Variants in PTCD2 observed in about 807,000 individuals in gnomAD.
PTCD2 encodes the protein pentatricopeptide repeat domain 2.
Under a neutral mutation model 42.6 loss-of-function variants are expected in PTCD2, and 31 were observed. That is an observed-to-expected ratio of 0.73 (90% CI 0.55 to 0.98). The LOEUF (loss-of-function observed/expected upper bound fraction) is 0.98. Among genes scored for constraint, PTCD2 ranks in the 50% least tolerant of loss-of-function variants. The pLI, the probability that PTCD2 is intolerant of heterozygous loss-of-function variation, is 0.00. For synonymous variants in PTCD2, 183 were observed against 170.9 expected, an observed-to-expected ratio of 1.07 and a Z score of -0.55; for missense variants, 476 against 454.8, an observed-to-expected ratio of 1.05 and a Z score of -0.42.
intron 4 of PTCD2, among the ~76,000 whole-genome samples, chr5:72,334,749 C>T (rs1444822812): frequency 6.6e-6 from 1 of 152,084 alleles, no homozygotes; most frequent in African/African-American, 2.4e-5. Context: ...CGGGGTTTCA[C>T]CATGTTGGCC....
intron 6 of PTCD2, among the ~76,000 whole-genome samples, chr5:72,337,423 C>T (rs1211289116): frequency 6.6e-6 from 1 of 151,888 alleles, no homozygotes; most frequent in Non-Finnish European, 1.5e-5. Context: ...ATCACTTATT[C>T]AGCATTGAAA....
In PTCD2 at chr5:72,366,386, G is replaced by C. The variant is rs1753206348; in HGVS notation, c.*7959G>C. ...TTGCCTGTGGATATAACACTAGAGA[G>C]CGGGAGAGCACAGTATTTGAACCCA... On this transcript the variant is annotated 3_prime_UTR_variant, in exon 10 of 10. Transcript: ENST00000380639. 1 of 152,162 alleles carries C rather than the reference G, an allele frequency of 6.6e-6. No homozygotes were observed. 9.4% of individuals were successfully genotyped at this position (152,162 alleles called of 1,614,324 possible).
intron 9 of PTCD2, among the ~76,000 whole-genome samples, chr5:72,354,469 G>A (rs1752779524): frequency 6.8e-6 from 1 of 147,302 alleles, no homozygotes; most frequent in East Asian, 2.1e-4. Flanking sequence ...GGTAAGAGAT[G>A]TGGACAGAAT....
At chr5:72,340,111 A>G (rs1003750704) in intron 7 of PTCD2, among the ~76,000 whole-genome samples, 1 of 152,130 alleles carries the variant, frequency 6.6e-6, no homozygotes, top group South Asian at 2.1e-4. Flanking sequence ...TTCTGTTTCT[A>G]TAACTTTTTC....
intron 7 of PTCD2, 112 bp downstream of exon 7, chr5:72,338,847 C>A: frequency 1.8e-6 from 1 of 556,940 alleles, no homozygotes; most frequent in Admixed American, 3.4e-5. Flanking sequence ...GAAGTAGTCA[C>A]CATAAAGAGA....
rs1363017154 is a variant in PTCD2 at position 72,358,242 on chromosome 5, C to G, written c.982C>G (p.Leu328Val). 6.2e-7 allele frequency: 1 copy of G among 1,614,088 alleles called. No individual in the cohort carries two copies. ...GGAAAAAGTGAAGGATGTGCCTGCCCTTGTGGCCAAATTTGATGAGATCTA... is the reference window on the plus strand; with the variant it reads ...GGAAAAAGTGAAGGATGTGCCTGCCGTTGTGGCCAAATTTGATGAGATCTA... ...VREKVKDVPA[L>V]VAKFDEIYGT... Residue 328 changes from leucine (L) to valine (V), a missense_variant, in exon 10 of 10, where the codon CTT becomes GTT. Leu to Val is a conservative substitution (Grantham distance 32). Transcript: ENST00000380639.
intron 1 of PTCD2, 152 bp from the exon 2 acceptor site, chr5:72,322,020 A>G (rs1750884200): frequency 4.2e-6 from 2 of 479,576 alleles, no homozygotes; most frequent in South Asian, 5.3e-5. Flanking sequence ...TTTTCCCAGG[A>G]TTTATATTTG....
chr5:72,331,712 G>A (rs1243202624), intron 4 of PTCD2, among the ~76,000 whole-genome samples: 3 of 152,140 alleles, frequency 2.0e-5, no homozygotes, highest in African/African-American at 7.2e-5. Context: ...TCCTTTACCT[G>A]TATTCCCTCT....
chr5:72,328,933 T>G (rs1012037647), intron 3 of PTCD2, among the ~76,000 whole-genome samples: 2 of 152,194 alleles, frequency 1.3e-5, no homozygotes, highest in Non-Finnish European at 2.9e-5. Context: ...TTTTTAAAGT[T>G]TATCAATATA....
At chr5:72,335,710 G>T in intron 5 of PTCD2, 84 bp from the exon 6 acceptor site, 1 of 714,202 alleles carries the variant, frequency 1.4e-6, no homozygotes, top group South Asian at 2.1e-5. Flanking sequence ...ACACTTTTCT[G>T]TAGATGGTGC....
intron 5 of PTCD2, among the ~76,000 whole-genome samples, 162 bp downstream of exon 5, chr5:72,335,258 G>A (rs543108191): frequency 6.6e-6 from 1 of 152,048 alleles, no homozygotes; most frequent in South Asian, 2.1e-4. Context: ...GACCATCCTG[G>A]CTAACAAGGT....
Position 72,360,469 on chromosome 5 carries a change from C to T in PTCD2, c.*2042C>T, listed in dbSNP as rs760702587. Reference sequence around the variant, plus strand: ...CGACTGGAAAAACTGGTCCATTCCACCTGTTCCCAGAAACCTCAGTACAGA... The same window carrying T: ...CGACTGGAAAAACTGGTCCATTCCATCTGTTCCCAGAAACCTCAGTACAGA... On this transcript the variant is annotated 3_prime_UTR_variant, in exon 10 of 10. Transcript: ENST00000380639. 2.0e-5 allele frequency: 3 copies of T among 152,216 alleles called. No homozygotes were observed. Among genetic ancestry groups the T allele is most frequent in the Non-Finnish European group, 2.9e-5 (2 of 68,048 alleles). The allele number at this position is 152,216 out of a possible 1,614,324, so 9.4% of individuals were successfully genotyped here. A position where few individuals can be genotyped will look rare whatever the true frequency, so the allele number is the denominator to read the frequency against.
Position 72,359,278 on chromosome 5 carries a change from A to C in PTCD2, c.*851A>C, listed in dbSNP as rs1375386489. ...TTTCTCTCTTGAATGCCTCATATTA[A>C]AAAAAAATGTGCCATGAGAGCAGTT... is the stretch of plus-strand genomic sequence containing the variant. On this transcript the variant is annotated 3_prime_UTR_variant, in exon 10 of 10. Coordinates refer to ENST00000380639, the MANE Select transcript of PTCD2 (RefSeq NM_024754.5). 6.6e-6 allele frequency: 1 copy of C among 151,784 alleles called. No homozygotes were observed. Among genetic ancestry groups the C allele is most frequent in the Non-Finnish European group, 1.5e-5 (1 of 67,920 alleles). The allele number at this position is 151,784 out of a possible 1,614,324, so 9.4% of individuals were successfully genotyped here.
chr5:72,334,872 G>A, intron 4 of PTCD2, 146 bp from the exon 5 acceptor site: 3 of 574,766 alleles, frequency 5.2e-6, no homozygotes, highest in Non-Finnish European at 9.2e-6. Flanking sequence ...TAAAACCTGG[G>A]TATATAAAAT....
intron 6 of PTCD2, among the ~76,000 whole-genome samples, chr5:72,336,290 G>A (rs899074359): frequency 9.2e-5 from 14 of 152,156 alleles, no homozygotes; most frequent in African/African-American, 3.1e-4. Context: ...TGCAATCACC[G>A]AAACTGGAAG....
At position 72,358,250 on chromosome 5, in the gene PTCD2, C is replaced by T; in HGVS notation, c.990C>T (p.Ala330=). 1 of 1,614,002 alleles carries T rather than the reference C, an allele frequency of 6.2e-7. No homozygotes were observed. The highest frequency in any genetic ancestry group is 1.1e-5 in the South Asian group (1 of 91,060). Residue 330 remains alanine (A), a synonymous_variant, in exon 10 of 10, where the codon GCC becomes GCT. Coordinates refer to ENST00000380639, the MANE Select transcript of PTCD2 (RefSeq NM_024754.5). The stretch of plus-strand genomic sequence containing the variant: ...TGAAGGATGTGCCTGCCCTTGTGGC[C>T]AAATTTGATGAGATCTATGGGACAC... ...EKVKDVPALV[A]KFDEIYGTLH... is the part of the protein sequence containing the mutation.
At chr5:72,339,134 C>T (rs988791542) in intron 7 of PTCD2, among the ~76,000 whole-genome samples, 3 of 152,222 alleles carry the variant, frequency 2.0e-5, no homozygotes, top group African/African-American at 4.8e-5. Flanking sequence ...TTCATAGTTA[C>T]ATCCAACTAC....
chr5:72,336,382 C>T (rs965268402), intron 6 of PTCD2, among the ~76,000 whole-genome samples: 17 of 152,190 alleles, frequency 1.1e-4, no homozygotes, highest in Non-Finnish European at 1.6e-4. Context: ...GCTTAATGTA[C>T]TTAGCAGATG....
chr5:72,363,427 T>C lies in PTCD2; in HGVS notation c.*5000T>C, dbSNP rs1406962447. On this transcript the variant is annotated 3_prime_UTR_variant, in exon 10 of 10. Transcript: ENST00000380639. ...TCTGGGCAACACACTTTAAGAATAG[T>C]TGGTATAACAGAAAGCTTGTGTGTC... The C allele has an allele frequency of 6.6e-6, 1 of 152,342 alleles. No homozygotes were observed. Among genetic ancestry groups the C allele is most frequent in the Admixed American group, 6.5e-5 (1 of 15,302 alleles). 9.4% of individuals were successfully genotyped at this position (152,342 alleles called of 1,614,324 possible). A position where few individuals can be genotyped will look rare whatever the true frequency, so the allele number is the denominator to read the frequency against.
Sources: allele counts gnomAD v4.1 joint callset (sites outside exome capture counted in the v4.1 genomes callset), GRCh38; gene constraint gnomAD v4.1.1; transcripts MANE v1.5; gene names NCBI Gene and HGNC (gene_info 2026-07-23, HGNC 2026-07-21).